The following VPS13A variants were observed in gnomAD, a reference collection of about 807,000 sequenced individuals.
The protein encoded by VPS13A is vacuolar protein sorting 13 homolog A, also known as intermembrane lipid transfer protein VPS13A.
VPS13A carries 264 observed loss-of-function variants against 390.9 expected under a neutral mutation model. That is an observed-to-expected ratio of 0.68 (90% CI 0.61 to 0.75). The LOEUF (loss-of-function observed/expected upper bound fraction) is 0.75. VPS13A is among the 30% of genes least tolerant of loss of function. VPS13A has a pLI of 0.00. For synonymous variants in VPS13A, 1,231 were observed against 1,227.1 expected (o/e 1.00, Z -0.07); for missense variants, 3,409 against 3,733.9 (o/e 0.91, Z 2.27).
intron 46 of VPS13A, 28 bp downstream of exon 46, chr9:77,332,141 T>A: frequency 6.5e-7 from 1 of 1,538,558 alleles, no homozygotes; most frequent in East Asian, 2.3e-5. Flanking sequence ...TTTTATTTAC[T>A]CTAAAATCTC....
In VPS13A at chr9:77,366,710, T is replaced by C; in HGVS notation, c.8326-17T>C. 6.3e-7 allele frequency: 1 copy of C among 1,592,104 alleles called. No individual in the cohort carries two copies. Among genetic ancestry groups the C allele is most frequent in the Non-Finnish European group, 8.6e-7 (1 of 1,166,184 alleles). On this transcript the variant is annotated splice_polypyrimidine_tract_variant and intron_variant, in intron 60 of 71. Transcript: ENST00000360280. The stretch of plus-strand genomic sequence containing the variant: ...TGAAGAAAATACTTTTAAATATTTA[T>C]CTCTTTATCTTTTTAGTTACATTTA...
At position 77,254,441 on chromosome 9, in the gene VPS13A, G is replaced by C. The variant is rs183243069; in HGVS notation, c.2288+2089G>C. Among the ~76,000 whole-genome samples the C allele has an allele frequency of 5.0e-3, 766 of 152,192 alleles. 2 individuals are homozygous for C. Among genetic ancestry groups the C allele is most frequent in the South Asian group, 0.011 (55 of 4,824 alleles). Reference sequence around the variant, plus strand: ...GTACCACACTATTTAGATTACTGTAGCTTTATAGGAAGTTTTGAAATCAGG... The same window carrying C: ...GTACCACACTATTTAGATTACTGTACCTTTATAGGAAGTTTTGAAATCAGG... On this transcript the variant is annotated intron_variant, in intron 22 of 71. Transcript: ENST00000360280.
At chr9:77,411,123 G>A (rs1315542128) in intron 71 of VPS13A, among the ~76,000 whole-genome samples, 1 of 152,102 alleles carries the variant, frequency 6.6e-6, no homozygotes, top group African/African-American at 2.4e-5. Context: ...TAGAACTCAG[G>A]ATTAAGAAAC....
rs1423448427 is a variant in VPS13A, at chr9:77,414,764, T to TAATAATAATAATAAA, written c.9475-1187_9475-1186insTAATAATAAAAATAA. On this transcript the variant is annotated intron_variant, in intron 71 of 71. Coordinates refer to ENST00000360280, the MANE Select transcript of VPS13A (RefSeq NM_033305.3). ...TTAATAATAATAATAATAATAATAA[T>TAATAATAATAATAAA]AATAAAAACTTAGAGTAAGAGGACA... Among the ~76,000 whole-genome samples the TAATAATAATAATAAA allele has an allele frequency of 7.3e-3, 1,077 of 146,792 alleles. 11 individuals carry two copies. The highest frequency in any genetic ancestry group is 0.025 in the African/African-American group (1,010 of 40,190).
chr9:77,278,133 T>C (rs973806522), intron 26 of VPS13A, among the ~76,000 whole-genome samples: 2 of 151,912 alleles, frequency 1.3e-5, no homozygotes, highest in African/African-American at 4.8e-5. Flanking sequence ...TGCAGTGGCA[T>C]GATCTCGGCT....
intron 33 of VPS13A, among the ~76,000 whole-genome samples, chr9:77,302,416 A>T (rs1248067817): frequency 8.1e-6 from 1 of 123,268 alleles, no homozygotes; most frequent in East Asian, 2.3e-4. Context: ...TCTGTTGACC[A>T]GGCTGGAGTG....
chr9:77,356,108 C>T (rs571317317), intron 54 of VPS13A, among the ~76,000 whole-genome samples: 22 of 152,318 alleles, frequency 1.4e-4, no homozygotes, highest in Admixed American at 1.2e-3. Flanking sequence ...TTTGGCCCCC[C>T]ACTATAAGTC....
chr9:77,332,232 G>T, intron 46 of VPS13A, 119 bp downstream of exon 46: 1 of 764,980 alleles, frequency 1.3e-6, no homozygotes, highest in Non-Finnish European at 2.3e-6. Flanking sequence ...AACGTATTTA[G>T]GTTTCAGTGC....
At chr9:77,207,192 G>A (rs1382479797) in intron 5 of VPS13A, among the ~76,000 whole-genome samples, 4 of 92,936 alleles carry the variant, frequency 4.3e-5, no homozygotes, top group Admixed American at 1.5e-4. Flanking sequence ...TCAAACCTCT[G>A]TGTCTTGATT....
chr9:77,178,060 G>A (rs1738402146), intron 1 of VPS13A: 1 of 424,964 alleles, frequency 2.4e-6, no homozygotes, highest in Non-Finnish European at 4.4e-6. Flanking sequence ...TCCGAGCGGA[G>A]CGGACTTGCC....
intron 3 of VPS13A, among the ~76,000 whole-genome samples, chr9:77,204,640 C>T (rs578167266): frequency 6.6e-6 from 1 of 151,982 alleles, no homozygotes; most frequent in South Asian, 2.1e-4. Context: ...CCTTTCATTG[C>T]GGGGAGGTAA....
chr9:77,220,641 A>T (rs920799308), intron 12 of VPS13A, among the ~76,000 whole-genome samples: 1 of 152,046 alleles, frequency 6.6e-6, no homozygotes, highest in Admixed American at 6.6e-5. Context: ...ACGGGTCAGT[A>T]TATTTAGAAT....
At chr9:77,330,363 C>A (rs1306948663) in intron 45 of VPS13A, among the ~76,000 whole-genome samples, 1 of 152,172 alleles carries the variant, frequency 6.6e-6, no homozygotes, top group Non-Finnish European at 1.5e-5. Context: ...CTCCCTTAGA[C>A]TTTTCAAGCT....
intron 45 of VPS13A, among the ~76,000 whole-genome samples, chr9:77,330,897 C>A (rs1038243514): frequency 6.6e-6 from 1 of 152,112 alleles, no homozygotes; most frequent in East Asian, 1.9e-4. Flanking sequence ...GTGTATATTT[C>A]CAGTACCATA....
chr9:77,265,362 G>C (rs1244260644), intron 23 of VPS13A, among the ~76,000 whole-genome samples: 1 of 152,164 alleles, frequency 6.6e-6, no homozygotes. Flanking sequence ...GATAGTTTCA[G>C]AAGGACTGGT....
At chr9:77,212,297 C>G (rs1443368948) in intron 7 of VPS13A, among the ~76,000 whole-genome samples, 1 of 152,090 alleles carries the variant, frequency 6.6e-6, no homozygotes, top group Non-Finnish European at 1.5e-5. Flanking sequence ...ATTATATTCT[C>G]CTGCATACTG....
rs756019703 is a variant in VPS13A at position 77,366,770 on chromosome 9, A to G, written c.8369A>G (p.Lys2790Arg). 5 of 1,613,334 alleles carry G rather than the reference A, an allele frequency of 3.1e-6. No homozygotes were observed. The Admixed American group carries it at 5.0e-5, about 16-fold the overall frequency. ...CTGAGTTCCGGCAGAGAAGAAGCTA[A>G]AGATTCAAAACAAAATGGAGGACTG... ...VSLSSGREEA[K>R]DSKQNGGLIP... is the part of the protein sequence containing the mutation. Residue 2790 changes from lysine to arginine, a missense_variant, in exon 61 of 72, where the codon AAA becomes AGA. This residue lies in a region of VPS13A where 123 missense variants were observed against 118.7 expected (regional missense o/e 1.04). Transcript: ENST00000360280.
chr9:77,201,575 C>T (rs1476492722), intron 3 of VPS13A, among the ~76,000 whole-genome samples, 168 bp downstream of exon 3: 5 of 151,988 alleles, frequency 3.3e-5, no homozygotes, highest in Non-Finnish European at 4.4e-5. Context: ...AAATATTGTC[C>T]GATACATATA....
intron 27 of VPS13A, 30 bp downstream of exon 27, chr9:77,280,268 A>G (rs1587483709): frequency 2.0e-6 from 3 of 1,518,910 alleles, no homozygotes; most frequent in Non-Finnish European, 2.7e-6. Context: ...TCTGCTTAAT[A>G]TGGTAAGTAT....
Sources: gnomAD v4.1 joint callset for allele counts (sites outside exome capture counted in the v4.1 genomes callset) on GRCh38, gnomAD v4.1.1 for gene constraint, gnomAD v4.1.1 regional missense constraint, MANE v1.5 for transcripts, NCBI Gene and HGNC (gene_info 2026-07-23, HGNC 2026-07-21) for gene names.